The following PRKAG2 variants were observed in gnomAD, a reference collection of about 807,000 sequenced individuals.
PRKAG2 encodes the protein 5'-AMP-activated protein kinase subunit gamma-2.
In PRKAG2, 26 loss-of-function variants were observed where a neutral mutation model predicts 69.6. That is an observed-to-expected ratio of 0.37 (90% CI 0.27 to 0.52). PRKAG2 has a LOEUF of 0.52. PRKAG2 is among the 20% of genes least tolerant of loss of function. PRKAG2 has a pLI of 0.90. For synonymous variants in PRKAG2, 293 were observed against 285.0 expected (o/e 1.03, Z -0.28); for missense variants, 557 against 740.0 (o/e 0.75, Z 2.87).
At chr7:151,698,568 G>C (rs1224372449) in intron 3 of PRKAG2, among the ~76,000 whole-genome samples, 1 of 152,080 alleles carries the variant, frequency 6.6e-6, no homozygotes, top group Non-Finnish European at 1.5e-5. Context: ...CCTCCTCCCT[G>C]TCTCTTGCCC....
intron 3 of PRKAG2, among the ~76,000 whole-genome samples, chr7:151,709,526 CTG>C (rs1192046109): frequency 6.6e-6 from 1 of 151,822 alleles, no homozygotes; most frequent in Admixed American, 6.6e-5. Flanking sequence ...ACTGAGTGAC[CTG>C]TGTGACATGG....
chr7:151,604,489 T>A (rs1408615248), intron 5 of PRKAG2, among the ~76,000 whole-genome samples: 1 of 151,284 alleles, frequency 6.6e-6, no homozygotes, highest in African/African-American at 2.5e-5. Flanking sequence ...ATAAAAAAAA[T>A]TAGCCAGGTG....
At chr7:151,661,031 T>C (rs912700780) in intron 4 of PRKAG2, among the ~76,000 whole-genome samples, 14 of 152,208 alleles carry the variant, frequency 9.2e-5, no homozygotes, top group Non-Finnish European at 1.9e-4. Flanking sequence ...AATGTTGTTT[T>C]TAAAAGAGAG....
At chr7:151,707,233 C>T (rs868128324) in intron 3 of PRKAG2, among the ~76,000 whole-genome samples, 1 of 152,232 alleles carries the variant, frequency 6.6e-6, no homozygotes, top group African/African-American at 2.4e-5. Context: ...GGCTAGACGG[C>T]ATCCTGGCAG....
chr7:151,560,753 T>A (rs774946191), intron 14 of PRKAG2, 136 bp from the exon 15 acceptor site: 6 of 1,202,968 alleles, frequency 5.0e-6, no homozygotes, highest in Non-Finnish European at 7.0e-6. Flanking sequence ...TGAGACATCA[T>A]CTCTACAAAA....
At chr7:151,854,458 G>T (rs2079655366) in intron 1 of PRKAG2, among the ~76,000 whole-genome samples, 1 of 152,218 alleles carries the variant, frequency 6.6e-6, no homozygotes, top group African/African-American at 2.4e-5. Context: ...AGAGCCTCTG[G>T]CCAGGACGCA....
At chr7:151,873,392 C>T (rs2080265678) in intron 1 of PRKAG2, among the ~76,000 whole-genome samples, 1 of 152,212 alleles carries the variant, frequency 6.6e-6, no homozygotes, top group South Asian at 2.1e-4. Flanking sequence ...CATCGTATGA[C>T]CCTGGATCAT....
Position 151,870,433 on chromosome 7 carries a change from A to G in PRKAG2, c.114+6074T>C, listed in dbSNP as rs558173148. Among the ~76,000 whole-genome samples, 11 of 152,374 alleles carry G rather than the reference A, an allele frequency of 7.2e-5. No individual in the cohort carries two copies. The East Asian group carries it at 1.7e-3, about 24-fold the overall frequency. ...TGGGAGCTTCTACATAAGCTAGTCCATGAACCACACTTTGTTAAACATTGC... is the reference window on the plus strand; with the variant it reads ...TGGGAGCTTCTACATAAGCTAGTCCGTGAACCACACTTTGTTAAACATTGC... On this transcript the variant is annotated intron_variant, in intron 1 of 15. Transcript: ENST00000287878.
At chr7:151,708,470 C>T (rs1003483041) in intron 3 of PRKAG2, among the ~76,000 whole-genome samples, 4 of 152,070 alleles carry the variant, frequency 2.6e-5, no homozygotes, top group South Asian at 4.2e-4. Flanking sequence ...TTCTATGCAG[C>T]GTAAAGATGG....
intron 1 of PRKAG2, among the ~76,000 whole-genome samples, chr7:151,845,869 C>T (rs61446879): frequency 0.022 from 3,395 of 152,322 alleles, 129 homozygotes; most frequent in African/African-American, 0.076. Context: ...GAGTCTGCCG[C>T]TCCCTCAGGG....
intron 1 of PRKAG2, among the ~76,000 whole-genome samples, chr7:151,864,831 T>C (rs2151909103): frequency 6.6e-6 from 1 of 152,310 alleles, no homozygotes; most frequent in South Asian, 2.1e-4. Context: ...TAAAGCCACT[T>C]GTCCCCAGGA....
intron 2 of PRKAG2, among the ~76,000 whole-genome samples, chr7:151,782,861 T>C (rs1487733849): frequency 6.6e-6 from 1 of 151,908 alleles, no homozygotes; most frequent in Non-Finnish European, 1.5e-5. Context: ...CAACACTGAG[T>C]GGAAAGGACC....
chr7:151,627,792 A>G (rs1823368228), intron 5 of PRKAG2, among the ~76,000 whole-genome samples: 1 of 152,152 alleles, frequency 6.6e-6, no homozygotes, highest in South Asian at 2.1e-4. Context: ...CCTCCCAAGT[A>G]GCCGGAACCA....
chr7:151,572,786 T>G (rs557244645), intron 8 of PRKAG2, 77 bp from the exon 9 acceptor site: 2 of 927,626 alleles, frequency 2.2e-6, no homozygotes, highest in Admixed American at 2.5e-5. Context: ...AAACAAAACA[T>G]AGCTTGGATA....
chr7:151,690,898 G>A (rs913864807), intron 3 of PRKAG2, among the ~76,000 whole-genome samples: 4 of 152,170 alleles, frequency 2.6e-5, no homozygotes, highest in African/African-American at 4.8e-5. Context: ...AGTGAGTCTC[G>A]CTTATCGCTA....
At chr7:151,737,490 T>C (rs1162832367) in intron 3 of PRKAG2, among the ~76,000 whole-genome samples, 3 of 152,110 alleles carry the variant, frequency 2.0e-5, no homozygotes. Flanking sequence ...GTAGCCTGGG[T>C]TCTTCTGGCC....
At chr7:151,674,818 G>A (rs1190272605) in intron 4 of PRKAG2, 1 of 163,124 alleles carries the variant, frequency 6.1e-6, no homozygotes. Context: ...CCCAAGCAAG[G>A]TAAATTCAAA....
At chr7:151,689,648 G>T (rs907566656) in intron 3 of PRKAG2, among the ~76,000 whole-genome samples, 2 of 152,162 alleles carry the variant, frequency 1.3e-5, no homozygotes, top group African/African-American at 4.8e-5. Flanking sequence ...GCCAGGTGGC[G>T]GCTGCAGCCG....
chr7:151,832,524 C>T (rs7788502), intron 1 of PRKAG2, among the ~76,000 whole-genome samples: 46,331 of 151,220 alleles, frequency 0.31, 7,383 homozygotes, highest in Middle Eastern at 0.47. Flanking sequence ...CTGAACACCC[C>T]CTCAGAGGAA....
Sources: gnomAD v4.1 joint callset for allele counts (sites outside exome capture counted in the v4.1 genomes callset) on GRCh38, gnomAD v4.1.1 for gene constraint, MANE v1.5 for transcripts, NCBI Gene and HGNC (gene_info 2026-07-23, HGNC 2026-07-21) for gene names.